The following LRCH1 variants were observed in gnomAD, a reference collection of about 807,000 sequenced individuals.
LRCH1 encodes leucine-rich repeat and calponin homology domain-containing protein 1.
A neutral mutation model predicts 94.9 loss-of-function variants in LRCH1; 23 were observed. The ratio of observed to expected loss-of-function variants is 0.24; its 90% CI spans 0.17 to 0.34. The LOEUF (loss-of-function observed/expected upper bound fraction) is 0.34. Among genes scored for constraint, LRCH1 ranks in the 10% least tolerant of loss-of-function variants. The pLI is 1.00. For missense variants in LRCH1, 790 were observed against 945.9 expected (o/e 0.84, Z 2.16); for synonymous variants, 364 against 354.9 (o/e 1.03, Z -0.29).
At chr13:46,667,818 A>T (rs111666332) in intron 2 of LRCH1, among the ~76,000 whole-genome samples, 43 of 152,364 alleles carry the variant, frequency 2.8e-4, no homozygotes, top group African/African-American at 9.1e-4. Flanking sequence ...AAATACATCA[A>T]AGTATAATAA....
Position 46,587,536 on chromosome 13 carries a change from A to G in LRCH1, c.307+33833A>G, listed in dbSNP as rs1201938249. Among the ~76,000 whole-genome samples, 5 of 152,208 alleles carry G rather than the reference A, an allele frequency of 3.3e-5. No individual in the cohort carries two copies. In the East Asian group the frequency reaches 7.7e-4, roughly 23 times the overall value. On this transcript the variant is annotated intron_variant, in intron 1 of 19. Coordinates refer to ENST00000389797, the MANE Select transcript of LRCH1 (RefSeq NM_001164211.2). ...TACTGGAACATAATTGTGGATGCCT[A>G]AGAGGAAGTGTTTGAGTCAGGAAAA...
chr13:46,554,571 G>A (rs758995158), intron 1 of LRCH1, among the ~76,000 whole-genome samples: 6 of 152,198 alleles, frequency 3.9e-5, no homozygotes, highest in Non-Finnish European at 8.8e-5. Context: ...TGTAACTCGC[G>A]CCAATAAGCA....
intron 18 of LRCH1, among the ~76,000 whole-genome samples, chr13:46,729,332 G>T (rs1872985586): frequency 6.6e-6 from 1 of 152,108 alleles, no homozygotes; most frequent in Admixed American, 6.5e-5. Context: ...GCGCTCAGGA[G>T]TTGTATTTTT....
intron 19 of LRCH1, among the ~76,000 whole-genome samples, chr13:46,739,491 G>A (rs981592773): frequency 2.6e-5 from 4 of 151,824 alleles, no homozygotes; most frequent in East Asian, 1.9e-4. Flanking sequence ...TAATCTCTAC[G>A]TCCCTCTCAG....
intron 10 of LRCH1, among the ~76,000 whole-genome samples, chr13:46,700,095 G>T (rs1393029568): frequency 6.6e-6 from 1 of 152,182 alleles, no homozygotes; most frequent in African/African-American, 2.4e-5. Flanking sequence ...ATTTACAGGG[G>T]AGGGGGTGTG....
chr13:46,581,975 C>T (rs1440012434), intron 1 of LRCH1, among the ~76,000 whole-genome samples: 2 of 152,030 alleles, frequency 1.3e-5, no homozygotes, highest in African/African-American at 4.8e-5. Flanking sequence ...TATGGCGAAA[C>T]CCCCTTTGTA....
chr13:46,605,963 C>G (rs1364519704), intron 1 of LRCH1, among the ~76,000 whole-genome samples: 1 of 152,124 alleles, frequency 6.6e-6, no homozygotes, highest in African/African-American at 2.4e-5. Context: ...GAAATGGAGA[C>G]TCAGAGACAT....
At chr13:46,569,081 C>G (rs1485720722) in intron 1 of LRCH1, among the ~76,000 whole-genome samples, 1 of 152,004 alleles carries the variant, frequency 6.6e-6, no homozygotes, top group Non-Finnish European at 1.5e-5. Flanking sequence ...TTCCTTATTT[C>G]GAAACGTCTT....
intron 11 of LRCH1, among the ~76,000 whole-genome samples, chr13:46,703,657 T>C (rs1871604261): frequency 6.6e-6 from 1 of 152,294 alleles, no homozygotes; most frequent in Admixed American, 6.5e-5. Context: ...TTAAGTATAT[T>C]ATACTCTTTG....
intron 2 of LRCH1, 82 bp from the exon 3 acceptor site, chr13:46,668,947 TC>T: frequency 3.4e-6 from 5 of 1,456,640 alleles, no homozygotes; most frequent in Non-Finnish European, 4.7e-6. Context: ...CACTCCTTTT[TC>T]CTTTCTTGTT....
At chr13:46,643,812 A>C (rs1028792617) in intron 1 of LRCH1, among the ~76,000 whole-genome samples, 1 of 152,218 alleles carries the variant, frequency 6.6e-6, no homozygotes, top group Non-Finnish European at 1.5e-5. Flanking sequence ...TGTTTATGTA[A>C]GGTTAATATA....
intron 9 of LRCH1, among the ~76,000 whole-genome samples, chr13:46,697,474 A>G (rs181368426): frequency 5.9e-5 from 9 of 152,354 alleles, no homozygotes; most frequent in South Asian, 2.1e-4. Context: ...AAGGCATATC[A>G]CAACTTCCTT....
chr13:46,731,124 C>CTT (rs34512042), intron 18 of LRCH1, among the ~76,000 whole-genome samples: 2,284 of 127,740 alleles, frequency 0.018, 28 homozygotes, highest in Middle Eastern at 0.034. Context: ...TTACTATAAG[C>CTT]TTTTTTTTTT....
At chr13:46,600,761 ACT>A (rs1051791729) in intron 1 of LRCH1, among the ~76,000 whole-genome samples, 1 of 152,096 alleles carries the variant, frequency 6.6e-6, no homozygotes, top group Non-Finnish European at 1.5e-5. Flanking sequence ...TGATTTTATG[ACT>A]CACATTATTT....
intron 1 of LRCH1, among the ~76,000 whole-genome samples, chr13:46,627,231 C>T (rs983326175): frequency 7.9e-5 from 12 of 152,106 alleles, no homozygotes; most frequent in African/African-American, 2.9e-4. Context: ...AATGCTTAAG[C>T]CCCATATGTT....
chr13:46,557,090 T>G (rs1408789010), intron 1 of LRCH1, among the ~76,000 whole-genome samples: 1 of 152,132 alleles, frequency 6.6e-6, no homozygotes, highest in Non-Finnish European at 1.5e-5. Flanking sequence ...AAATGATGAC[T>G]AGTAATACAT....
intron 1 of LRCH1, among the ~76,000 whole-genome samples, chr13:46,558,896 C>T (rs2050099705): frequency 6.6e-6 from 1 of 152,190 alleles, no homozygotes; most frequent in South Asian, 2.1e-4. Flanking sequence ...ATTGAGGACT[C>T]CGGAAATGGC....
intron 1 of LRCH1, among the ~76,000 whole-genome samples, chr13:46,556,247 G>A (rs1268816267): frequency 6.6e-6 from 1 of 152,194 alleles, no homozygotes; most frequent in East Asian, 1.9e-4. Context: ...GCTTCTGGCA[G>A]CCACCTGTGC....
In LRCH1 at chr13:46,737,322, A is replaced by T. The variant is rs142335733; in HGVS notation, c.2085+3324A>T. On this transcript the variant is annotated intron_variant, in intron 19 of 19. Coordinates refer to ENST00000389797, the MANE Select transcript of LRCH1 (RefSeq NM_001164211.2). ...ACTGTGTTACTCAAGCTGGTCTCGA[A>T]CTCCTAGGCTCAAGACACCCTCCTG... Among the ~76,000 whole-genome samples the T allele has an allele frequency of 3.6e-3, 542 of 152,224 alleles. 11 individuals carry two copies. Among genetic ancestry groups the T allele is most frequent in the Non-Finnish European group, 1.9e-3 (129 of 68,014 alleles).
Sources: allele counts gnomAD v4.1 joint callset (sites outside exome capture counted in the v4.1 genomes callset), GRCh38; gene constraint gnomAD v4.1.1; transcripts MANE v1.5; gene names NCBI Gene and HGNC (gene_info 2026-07-23, HGNC 2026-07-21).